The following ANKRD13B variants were observed in gnomAD, a reference collection of about 807,000 sequenced individuals.
ANKRD13B encodes the protein ankyrin repeat domain-containing protein 13B.
ANKRD13B carries 33 observed loss-of-function variants against 74.4 expected under a neutral mutation model. The observed-to-expected ratio is 0.44, with a 90% CI of 0.34 to 0.59. ANKRD13B has a LOEUF of 0.59. ANKRD13B is among the 20% of genes least tolerant of loss of function. The pLI, the probability that ANKRD13B is intolerant of heterozygous loss-of-function variation, is 0.02. For missense variants in ANKRD13B, 676 were observed against 877.9 expected, an observed-to-expected ratio of 0.77 and a Z score of 2.91; for synonymous variants, 341 against 362.9, an observed-to-expected ratio of 0.94 and a Z score of 0.68.
Position 29,593,709 on chromosome 17 carries a change from C to G in ANKRD13B, c.88C>G (p.Leu30Val). 1 of 1,437,160 alleles carries G rather than the reference C, an allele frequency of 7.0e-7. No homozygotes were observed. The highest frequency in any genetic ancestry group is 9.2e-7 in the Non-Finnish European group (1 of 1,085,554). The allele number at this position is 1,437,160 out of a possible 1,614,324, so 89.0% of individuals were successfully genotyped here. Residue 30 changes from leucine to valine, a missense_variant, in exon 1 of 15, where the codon CTG becomes GTG. Leu to Val is a conservative substitution (Grantham distance 32). This residue lies in a region of ANKRD13B where 88 missense variants were observed against 87.8 expected (regional missense o/e 1.00). Coordinates refer to ENST00000394859, the MANE Select transcript of ANKRD13B (RefSeq NM_152345.5). ...CGTGTGGCACAACCGCCACCGCGAG[C>G]TGGAGAAGGAGGTCCGCGCGGGCCA... The part of the protein sequence containing the change: ...YLVWHNRHRE[L>V]EKEVRAGQVD...
chr17:29,610,465 A>G (rs1313083840), intron 7 of ANKRD13B, among the ~76,000 whole-genome samples: 2 of 152,138 alleles, frequency 1.3e-5, no homozygotes, highest in Non-Finnish European at 1.5e-5. Context: ...CCTGATGCCT[A>G]CCTCAATGCC....
At position 29,612,489 on chromosome 17, in the gene ANKRD13B, GC is replaced by G; in HGVS notation, c.1350del (p.Ser451AlafsTer41). On this transcript the variant is annotated frameshift_variant, in exon 12 of 15. Transcript: ENST00000394859. LOFTEE classifies it high-confidence loss of function. The surrounding 1 kb of genome is among the most constrained non-coding windows in gnomAD (Gnocchi z 6.1). ...CDEPVPSVRG[S>X]PSSETPSPGS... ...GAACCGGTGCCATCGGTGCGAGGCA[GC>G]CCCAGCAGCGAGACGCCTTCCCCAG... The G allele has an allele frequency of 6.3e-7, 1 of 1,588,916 alleles. No individual in the cohort carries two copies. The highest frequency in any genetic ancestry group is 1.1e-5 in the South Asian group (1 of 87,914).
At chr17:29,605,425 CACACACACAT>C (rs2034334927) in intron 1 of ANKRD13B, among the ~76,000 whole-genome samples, 2 of 151,962 alleles carry the variant, frequency 1.3e-5, no homozygotes, top group Admixed American at 1.3e-4. Context: ...AACACACACA[CACACACACAT>C]ACACACACAC....
Position 29,613,481 on chromosome 17 carries a change from A to T in ANKRD13B, c.1780A>T (p.Met594Leu). ...RSYDEQLRLA[M>L]ELSAQEQEER... ...CTACGACGAGCAGCTGCGGCTGGCG[A>T]TGGAACTGTCGGCGCAGGAGCAGGA... Residue 594 changes from methionine (M) to leucine (L), a missense_variant, in exon 15 of 15, where the codon ATG becomes TTG. Coordinates refer to ENST00000394859, the MANE Select transcript of ANKRD13B (RefSeq NM_152345.5). The T allele has an allele frequency of 6.5e-7, 1 of 1,532,716 alleles. No individual in the cohort carries two copies. The highest frequency in any genetic ancestry group is 1.4e-5 in the African/African-American group (1 of 70,758). 94.9% of individuals were successfully genotyped at this position (1,532,716 alleles called of 1,614,324 possible). A position where few individuals can be genotyped will look rare whatever the true frequency, so the allele number is the denominator to read the frequency against.
At chr17:29,601,665 ATTTG>A (rs1418430067) in intron 1 of ANKRD13B, among the ~76,000 whole-genome samples, 1 of 152,034 alleles carries the variant, frequency 6.6e-6, no homozygotes, top group Admixed American at 6.5e-5. Context: ...TTCCCTTAGA[ATTTG>A]TTTGTCTGCC....
At chr17:29,599,878 T>TTG (rs1213931959) in intron 1 of ANKRD13B, among the ~76,000 whole-genome samples, 2,402 of 126,110 alleles carry the variant, frequency 0.019, 57 homozygotes, top group Non-Finnish European at 0.031. Context: ...TTTTTTTTTT[T>TTG]TTTTTTTTTT....
In ANKRD13B at chr17:29,614,615, T is replaced by C. The variant is rs1398277436; in HGVS notation, c.*1033T>C. On this transcript the variant is annotated 3_prime_UTR_variant, in exon 15 of 15. Coordinates refer to ENST00000394859, the MANE Select transcript of ANKRD13B (RefSeq NM_152345.5). ...GTCCCGGGCCTGTCTGGGACTGGCC[T>C]TCCCGGCTCAGCCAGTGAGGCTCAG... The C allele has an allele frequency of 6.6e-6, 1 of 152,338 alleles. No individual in the cohort carries two copies. Among genetic ancestry groups the C allele is most frequent in the Non-Finnish European group, 1.5e-5 (1 of 68,052 alleles). The allele number at this position is 152,338 out of a possible 1,614,324, so 9.4% of individuals were successfully genotyped here.
intron 1 of ANKRD13B, among the ~76,000 whole-genome samples, chr17:29,600,070 G>A (rs1358215997): frequency 6.6e-6 from 1 of 151,870 alleles, no homozygotes; most frequent in African/African-American, 2.4e-5. Context: ...TAGAGACGGG[G>A]TTTCACCGTG....
Position 29,612,263 on chromosome 17 carries a change from A to T in ANKRD13B, c.1248A>T (p.Pro416=). The T allele has an allele frequency of 6.2e-7, 1 of 1,613,898 alleles. No homozygotes were observed. Among genetic ancestry groups the T allele is most frequent in the Non-Finnish European group, 8.5e-7 (1 of 1,179,966 alleles). The part of the protein sequence containing the change: ...FITLRLPPGF[P]VKIEIPIFHI... Reference sequence around the variant, plus strand: ...CCCTGCGTCTGCCTCCTGGCTTCCCAGTTAAGATTGGTGAGACCGCACGGC... The same window carrying T: ...CCCTGCGTCTGCCTCCTGGCTTCCCTGTTAAGATTGGTGAGACCGCACGGC... Residue 416 remains proline, a synonymous_variant, in exon 11 of 15, where the codon CCA becomes CCT. Transcript: ENST00000394859. The surrounding 1 kb of genome is among the most constrained non-coding windows in gnomAD (Gnocchi z 6.1).
At position 29,609,507 on chromosome 17, in the gene ANKRD13B, C is replaced by T. The variant is rs2034504362; in HGVS notation, c.822+86C>T. 1 of 1,493,426 alleles carries T rather than the reference C, an allele frequency of 6.7e-7. No homozygotes were observed. The highest frequency in any genetic ancestry group is 1.9e-5 in the Admixed American group (1 of 53,932). 92.5% of individuals were successfully genotyped at this position (1,493,426 alleles called of 1,614,324 possible). On this transcript the variant is annotated intron_variant, in intron 7 of 14. Coordinates refer to ENST00000394859, the MANE Select transcript of ANKRD13B (RefSeq NM_152345.5). The surrounding 1 kb of genome is among the most constrained non-coding windows in gnomAD (Gnocchi z 4.0). ...GGGGATTCTGACCTCCCTTCCCCAG[C>T]CCTGGAGGTACAGAAGCAATGCAGC...
chr17:29,611,994 C>A lies in ANKRD13B; in HGVS notation c.1088C>A (p.Thr363Asn). The A allele has an allele frequency of 6.2e-7, 1 of 1,612,430 alleles. No individual in the cohort carries two copies. ...RDMGRPMELT[T>N]KTQKFKAKLW... is the part of the protein sequence containing the mutation. The stretch of plus-strand genomic sequence containing the variant: ...ATGGGCCGCCCCATGGAACTGACCA[C>A]CAAGACACAGAAGTGAGGCCCCTGC... Residue 363 changes from threonine to asparagine, a missense_variant, in exon 10 of 15, where the codon ACC (threonine) becomes AAC (asparagine). Coordinates refer to ENST00000394859, the MANE Select transcript of ANKRD13B (RefSeq NM_152345.5). This position sits in a 1 kb window ranked among gnomAD's most constrained non-coding sequence, Gnocchi z 4.3.
Position 29,612,831 on chromosome 17 carries a change from C to A in ANKRD13B, c.1575+16C>A. ...GTATGACCAGGTGCGTCTCCGCGGG[C>A]GCGCGGGGCCACGGGACTCCGCGCC... On this transcript the variant is annotated intron_variant, in intron 13 of 14. Transcript: ENST00000394859. This position sits in a 1 kb window ranked among gnomAD's most constrained non-coding sequence, Gnocchi z 6.1. 1 of 1,600,030 alleles carries A rather than the reference C, an allele frequency of 6.2e-7. No individual in the cohort carries two copies. The highest frequency in any genetic ancestry group is 8.5e-7 in the Non-Finnish European group (1 of 1,178,140).
At chr17:29,595,580 C>G (rs779130013) in intron 1 of ANKRD13B, among the ~76,000 whole-genome samples, 3 of 151,998 alleles carry the variant, frequency 2.0e-5, no homozygotes, top group Non-Finnish European at 2.9e-5. Flanking sequence ...TGGGGGGCAC[C>G]GGAGCCGCTG....
chr17:29,597,549 C>T lies in ANKRD13B; in HGVS notation c.114+3814C>T, dbSNP rs146259821. Among the ~76,000 whole-genome samples, 169 of 152,192 alleles carry T rather than the reference C, an allele frequency of 1.1e-3. No individual in the cohort carries two copies. In the East Asian group the frequency reaches 0.028, roughly 25 times the overall value. On this transcript the variant is annotated intron_variant, in intron 1 of 14. Coordinates refer to ENST00000394859, the MANE Select transcript of ANKRD13B (RefSeq NM_152345.5). ...TGAGGCCTGCTGGGATAAGGAATCT[C>T]CGTTCTCTTGGTGGGGAGGGCTGGG...
chr17:29,613,414 G>T lies in ANKRD13B; in HGVS notation c.1713G>T (p.Arg571=). The change falls in exon 15 of 15, where the codon CGG becomes CGT. Residue 571 remains arginine (R), a synonymous_variant. Transcript: ENST00000394859. The stretch of plus-strand genomic sequence containing the variant: ...CCCCGGCGTCAGTGCCCAGCCCTCG[G>T]CCCAGCTCAGGGCCAGGTTCCGGCG... ...PAPPASVPSP[R]PSSGPGSGGH... is the part of the protein sequence containing the mutation. The T allele has an allele frequency of 1.3e-6, 2 of 1,520,072 alleles. No homozygotes were observed. Among genetic ancestry groups the T allele is most frequent in the Non-Finnish European group, 8.8e-7 (1 of 1,138,148 alleles). 94.2% of individuals were successfully genotyped at this position (1,520,072 alleles called of 1,614,324 possible).
intron 1 of ANKRD13B, among the ~76,000 whole-genome samples, chr17:29,604,936 T>G (rs2150888751): frequency 6.6e-6 from 1 of 152,324 alleles, no homozygotes; most frequent in East Asian, 1.9e-4. Context: ...CCTTCTGAGG[T>G]CTGATTAAAT....
In ANKRD13B at chr17:29,612,696, C is replaced by G; in HGVS notation, c.1456C>G (p.Pro486Ala). 6.3e-7 allele frequency: 1 copy of G among 1,594,492 alleles called. No homozygotes were observed. Among genetic ancestry groups the G allele is most frequent in the South Asian group, 1.1e-5 (1 of 89,508 alleles). Residue 486 changes from proline to alanine, a missense_variant, in exon 13 of 15, where the codon CCG becomes GCG. Pro to Ala is a conservative substitution (Grantham distance 27). Coordinates refer to ENST00000394859, the MANE Select transcript of ANKRD13B (RefSeq NM_152345.5). The surrounding 1 kb of genome is among the most constrained non-coding windows in gnomAD (Gnocchi z 6.1). ...CEISPALFEA[P>A]RGYSMMGGQR... ...GATCTCCCCAGCGTTGTTCGAGGCC[C>G]CGCGCGGCTACAGCATGATGGGCGG...
At chr17:29,598,066 G>A (rs1332310288) in intron 1 of ANKRD13B, among the ~76,000 whole-genome samples, 2 of 152,172 alleles carry the variant, frequency 1.3e-5, no homozygotes, top group East Asian at 3.9e-4. Context: ...GGGCCCTGTG[G>A]CCCTCTCCCA....
intron 1 of ANKRD13B, among the ~76,000 whole-genome samples, chr17:29,597,135 G>A (rs559179424): frequency 6.6e-5 from 10 of 152,234 alleles, no homozygotes; most frequent in Non-Finnish European, 1.3e-4. Context: ...CACAGGCTCT[G>A]CGTCCCTCAC....
Sources: gnomAD v4.1 joint callset for allele counts (sites outside exome capture counted in the v4.1 genomes callset) on GRCh38, gnomAD v4.1.1 for gene constraint, gnomAD v4.1.1 regional missense constraint, Gnocchi (gnomAD v3.1) non-coding constraint, MANE v1.5 for transcripts, NCBI Gene and HGNC (gene_info 2026-07-23, HGNC 2026-07-21) for gene names.